CACNB2: variants seen among roughly 807,000 people sequenced by gnomAD.
CACNB2 encodes voltage-dependent L-type calcium channel subunit beta-2.
Under a neutral mutation model 73.3 loss-of-function variants are expected in CACNB2, and 42 were observed. The observed-to-expected ratio is 0.57, with a 90% CI of 0.45 to 0.74. The LOEUF is 0.74. CACNB2 is among the 30% of genes least tolerant of loss of function. The probability of loss-of-function intolerance (pLI) is 0.00; values close to 1 mark genes in which losing one functional copy is unlikely to be tolerated. For missense variants in CACNB2, 940 were observed against 853.0 expected (o/e 1.10, Z -1.27); for synonymous variants, 348 against 310.3 (o/e 1.12, Z -1.28).
At chr10:18,369,502 A>C (rs187876255) in intron 2 of CACNB2, among the ~76,000 whole-genome samples, 2 of 152,232 alleles carry the variant, frequency 1.3e-5, no homozygotes, top group African/African-American at 2.4e-5. Flanking sequence ...AGAAACATGC[A>C]TCAATAAGAA....
chr10:18,325,053 T>A (rs1488480244), intron 2 of CACNB2, among the ~76,000 whole-genome samples: 1 of 152,228 alleles, frequency 6.6e-6, no homozygotes, highest in African/African-American at 2.4e-5. Context: ...TGATCCTTCA[T>A]AATTTGGAAC....
intron 2 of CACNB2, among the ~76,000 whole-genome samples, chr10:18,307,258 T>G (rs1311823077): frequency 2.0e-5 from 3 of 152,174 alleles, no homozygotes; most frequent in Non-Finnish European, 4.4e-5. Flanking sequence ...GGCCTGAAGT[T>G]TGAGACCAGC....
chr10:18,219,465 T>C (rs2035641072), intron 2 of CACNB2, among the ~76,000 whole-genome samples: 1 of 152,194 alleles, frequency 6.6e-6, no homozygotes, highest in African/African-American at 2.4e-5. Context: ...TTAAATATAG[T>C]TCTAGAGAAT....
At chr10:18,225,458 C>T (rs894547724) in intron 2 of CACNB2, among the ~76,000 whole-genome samples, 3 of 152,126 alleles carry the variant, frequency 2.0e-5, no homozygotes, top group Admixed American at 1.3e-4. Context: ...CAGGACTGAA[C>T]CAGGATTCGT....
chr10:18,539,019 G>A (rs1192497909), intron 13 of CACNB2, among the ~76,000 whole-genome samples: 2 of 151,424 alleles, frequency 1.3e-5, no homozygotes, highest in African/African-American at 2.4e-5. Context: ...CATGGGCACT[G>A]TTCTAGGCAC....
At chr10:18,454,900 G>C (rs1438660289) in intron 3 of CACNB2, among the ~76,000 whole-genome samples, 1 of 152,184 alleles carries the variant, frequency 6.6e-6, no homozygotes, top group African/African-American at 2.4e-5. Flanking sequence ...AAATTAGCCA[G>C]ACGTGATAGC....
chr10:18,476,169 G>C (rs139102427), intron 3 of CACNB2, among the ~76,000 whole-genome samples: 1 of 152,240 alleles, frequency 6.6e-6, no homozygotes, highest in East Asian at 1.9e-4. Flanking sequence ...GACTATATAG[G>C]GTAACTTCCT....
intron 6 of CACNB2, among the ~76,000 whole-genome samples, chr10:18,510,449 C>A (rs1177024659): frequency 6.6e-6 from 1 of 152,014 alleles, no homozygotes; most frequent in Non-Finnish European, 1.5e-5. Flanking sequence ...ATTACAGGCA[C>A]CGGCCACCAC....
At chr10:18,399,628 C>T (rs575847248) in intron 2 of CACNB2, among the ~76,000 whole-genome samples, 1 of 152,172 alleles carries the variant, frequency 6.6e-6, no homozygotes, top group East Asian at 1.9e-4. Context: ...AGCAATCCTC[C>T]CACTTTGGCC....
intron 2 of CACNB2, among the ~76,000 whole-genome samples, chr10:18,233,928 C>T (rs375267158): frequency 6.6e-6 from 1 of 152,238 alleles, no homozygotes; most frequent in East Asian, 1.9e-4. Flanking sequence ...TCCCTCAAAT[C>T]TCCAGTATGT....
intron 2 of CACNB2, among the ~76,000 whole-genome samples, chr10:18,362,661 C>A (rs1351805556): frequency 6.6e-6 from 1 of 152,124 alleles, no homozygotes; most frequent in Non-Finnish European, 1.5e-5. Flanking sequence ...CATGTAGAGG[C>A]TGGGCGCCGT....
intron 2 of CACNB2, among the ~76,000 whole-genome samples, chr10:18,271,812 G>A (rs2038066063): frequency 6.6e-6 from 1 of 152,114 alleles, no homozygotes; most frequent in African/African-American, 2.4e-5. Flanking sequence ...TCTTCTGTTT[G>A]AATCATCAGA....
At position 18,488,024 on chromosome 10, in the gene CACNB2, G is replaced by C. The variant is rs2049161466; in HGVS notation, c.334-10331G>C. ...GGGTTTCACCATGTTGCACTGGCTGGTCTCGAACTCCTGACCTCAGGTGGT... is the reference window on the plus strand; with the variant it reads ...GGGTTTCACCATGTTGCACTGGCTGCTCTCGAACTCCTGACCTCAGGTGGT... On this transcript the variant is annotated intron_variant, in intron 3 of 13. Transcript: ENST00000324631. Among the ~76,000 whole-genome samples, 4 of 151,272 alleles carry C rather than the reference G, an allele frequency of 2.6e-5. No homozygotes were observed. In the South Asian group the frequency reaches 6.3e-4, roughly 24 times the overall value.
chr10:18,424,764 C>T (rs868453615), intron 3 of CACNB2, among the ~76,000 whole-genome samples: 3 of 152,184 alleles, frequency 2.0e-5, no homozygotes, highest in South Asian at 2.1e-4. Flanking sequence ...TTTGGCTCAA[C>T]ATTAAATGTG....
chr10:18,512,709 T>C (rs1471649443), intron 6 of CACNB2, among the ~76,000 whole-genome samples: 3 of 152,168 alleles, frequency 2.0e-5, no homozygotes, highest in Non-Finnish European at 4.4e-5. Flanking sequence ...TCCTGTAGCA[T>C]AAAACTCCAT....
chr10:18,170,971 C>G (rs1300349656), intron 2 of CACNB2, among the ~76,000 whole-genome samples: 1 of 152,194 alleles, frequency 6.6e-6, no homozygotes, highest in African/African-American at 2.4e-5. Flanking sequence ...AGAGAAGATT[C>G]ATTTACCGCC....
chr10:18,339,816 A>G (rs576927758), intron 2 of CACNB2, among the ~76,000 whole-genome samples: 8 of 152,284 alleles, frequency 5.3e-5, no homozygotes, highest in Admixed American at 5.2e-4. Flanking sequence ...TTTTTTCCCC[A>G]GTAATTTAAA....
At chr10:18,532,693 AAAACAAAAC>A (rs2053171552) in intron 10 of CACNB2, among the ~76,000 whole-genome samples, 2 of 81,754 alleles carry the variant, frequency 2.4e-5, no homozygotes, top group African/African-American at 1.0e-4. Flanking sequence ...AAAAAAAAAA[AAAACAAAAC>A]AAAAAAACAA....
intron 2 of CACNB2, among the ~76,000 whole-genome samples, chr10:18,243,081 T>G (rs991759603): frequency 6.6e-6 from 1 of 152,070 alleles, no homozygotes; most frequent in African/African-American, 2.4e-5. Flanking sequence ...TAAATTTTAT[T>G]TGATACTTTC....
Sources: gnomAD v4.1 joint callset for allele counts (sites outside exome capture counted in the v4.1 genomes callset) on GRCh38, gnomAD v4.1.1 for gene constraint, MANE v1.5 for transcripts, NCBI Gene and HGNC (gene_info 2026-07-23, HGNC 2026-07-21) for gene names.